GDAP2: variants seen among roughly 807,000 people sequenced by gnomAD.
GDAP2 encodes ganglioside-induced differentiation-associated protein 2.
GDAP2 carries 51 observed loss-of-function variants against 67.0 expected under a neutral mutation model. That is an observed-to-expected ratio of 0.76 (90% CI 0.61 to 0.96). The LOEUF is 0.96. Ranked by LOEUF, GDAP2 falls within the 40% of genes least tolerant of loss-of-function variation. The pLI is 0.00. For missense variants in GDAP2, 547 were observed against 588.3 expected, an observed-to-expected ratio of 0.93 and a Z score of 0.73; for synonymous variants, 203 against 207.3, an observed-to-expected ratio of 0.98 and a Z score of 0.18.
In GDAP2 at chr1:117,869,623, G is replaced by C. The variant is rs1413319482; in HGVS notation, c.*946C>G. The C allele has an allele frequency of 6.6e-6, 1 of 152,628 alleles. No homozygotes were observed. The highest frequency in any genetic ancestry group is 2.4e-5 in the African/African-American group (1 of 41,438). 9.5% of individuals were successfully genotyped at this position (152,628 alleles called of 1,614,324 possible). A position where few individuals can be genotyped will look rare whatever the true frequency, so the allele number is the denominator to read the frequency against. Reference sequence around the variant, plus strand: ...GCCTGAGTGGTAAAAGTGGTCTTTTGCCAATTATCAGCTCCCTGGATTTGT... The same window carrying C: ...GCCTGAGTGGTAAAAGTGGTCTTTTCCCAATTATCAGCTCCCTGGATTTGT... On this transcript the variant is annotated 3_prime_UTR_variant, in exon 14 of 14. Coordinates refer to ENST00000369443, the MANE Select transcript of GDAP2 (RefSeq NM_017686.4).
chr1:117,901,458 G>C (rs1272740418), intron 6 of GDAP2, among the ~76,000 whole-genome samples: 3 of 152,168 alleles, frequency 2.0e-5, no homozygotes, highest in African/African-American at 7.2e-5. Flanking sequence ...TTCCAAAGTA[G>C]TTGTGCCATT....
At chr1:117,896,558 T>C (rs558583933) in intron 8 of GDAP2, 1 of 276,450 alleles carries the variant, frequency 3.6e-6, no homozygotes, top group Non-Finnish European at 6.7e-6. Context: ...AAACCTCGCA[T>C]GGAGGCATTA....
intron 6 of GDAP2, among the ~76,000 whole-genome samples, chr1:117,904,048 G>A (rs1048491609): frequency 8.6e-5 from 13 of 150,756 alleles, no homozygotes; most frequent in African/African-American, 7.3e-5. Flanking sequence ...AGTCAGTGGC[G>A]TAATCTCAGC....
chr1:117,887,751 G>T lies in GDAP2; in HGVS notation c.977C>A (p.Ala326Glu). 6.4e-7 allele frequency: 1 copy of T among 1,573,120 alleles called. No individual in the cohort carries two copies. Among genetic ancestry groups the T allele is most frequent in the Non-Finnish European group, 8.7e-7 (1 of 1,143,392 alleles). Residue 326 changes from alanine (A) to glutamate (E), a missense_variant, in exon 9 of 14, where the codon GCA becomes GAA. Transcript: ENST00000369443. ...AATATCAGACAGATCCTCAGATCTT[G>T]CTTGACATAACCAGCGATTATAACT... The part of the protein sequence containing the change: ...QRNYNRWLCQ[A>E]RSEDLSDIAS...
chr1:117,886,791 C>T, intron 9 of GDAP2, 138 bp from the exon 10 acceptor site: 1 of 579,014 alleles, frequency 1.7e-6, no homozygotes, highest in Non-Finnish European at 3.0e-6. Context: ...CAAATTTCAT[C>T]TTCCAATTTT....
intron 1 of GDAP2, among the ~76,000 whole-genome samples, chr1:117,922,127 G>A (rs958155834): frequency 6.6e-6 from 1 of 152,072 alleles, no homozygotes; most frequent in African/African-American, 2.4e-5. Context: ...CATGCAAATT[G>A]GTTATATGAG....
intron 3 of GDAP2, among the ~76,000 whole-genome samples, chr1:117,914,281 A>G (rs960406594): frequency 6.6e-6 from 1 of 152,210 alleles, no homozygotes; most frequent in African/African-American, 2.4e-5. Flanking sequence ...TGTCATAAAA[A>G]CAAACTATTC....
intron 2 of GDAP2, among the ~76,000 whole-genome samples, chr1:117,919,560 T>C (rs943171921): frequency 3.3e-5 from 5 of 151,508 alleles, no homozygotes; most frequent in African/African-American, 1.2e-4. Context: ...TAAGGAAAAA[T>C]GGGGAGTGAC....
rs917920879 is a variant in GDAP2, at chr1:117,866,074, T to C, written c.*4495A>G. 2.0e-5 allele frequency: 3 copies of C among 152,218 alleles called. No homozygotes were observed. Among genetic ancestry groups the C allele is most frequent in the Non-Finnish European group, 2.9e-5 (2 of 68,032 alleles). The allele number at this position is 152,218 out of a possible 1,614,324, so 9.4% of individuals were successfully genotyped here. A position where few individuals can be genotyped will look rare whatever the true frequency, so the allele number is the denominator to read the frequency against. On this transcript the variant is annotated 3_prime_UTR_variant, in exon 14 of 14. Transcript: ENST00000369443. The stretch of plus-strand genomic sequence containing the variant: ...TATGATATGACCTAGATTATAGGTA[T>C]GTTATGAACTGAATGCTTATGTTCT...
At chr1:117,888,615 C>A (rs536554878) in intron 8 of GDAP2, among the ~76,000 whole-genome samples, 8 of 152,062 alleles carry the variant, frequency 5.3e-5, no homozygotes, top group African/African-American at 1.7e-4. Flanking sequence ...TTAAAAGTGC[C>A]AATTACTTGA....
chr1:117,876,344 G>T (rs1039950965), intron 13 of GDAP2, among the ~76,000 whole-genome samples: 3 of 152,076 alleles, frequency 2.0e-5, no homozygotes, highest in African/African-American at 7.2e-5. Context: ...CTTCTGCCGT[G>T]AGTGGAAGCA....
chr1:117,912,056 A>T lies in GDAP2; in HGVS notation c.497T>A (p.Phe166Tyr), dbSNP rs755585058. 1.5e-5 allele frequency: 24 copies of T among 1,609,922 alleles called. No homozygotes were observed. In the East Asian group the frequency reaches 4.9e-4, roughly 33 times the overall value. ...ACGTTTTGCAGAATTGATGACACAG[A>T]AGCCAACAGAAGACATTGACTGCTC... ...AKEQSMSSVGFCVINSAKRGY... is the reference protein window; with the variant it reads ...AKEQSMSSVGYCVINSAKRGY... The change falls in exon 5 of 14, where the codon TTC becomes TAC. Residue 166 changes from phenylalanine to tyrosine, a missense_variant. Physicochemically the swap from Phe to Tyr is conservative, Grantham distance 22 (BLOSUM62 3). Transcript: ENST00000369443.
chr1:117,916,834 G>T (rs543040497), intron 3 of GDAP2, among the ~76,000 whole-genome samples: 1 of 152,282 alleles, frequency 6.6e-6, no homozygotes, highest in East Asian at 1.9e-4. Context: ...AGGAGTTCAA[G>T]ACCAGCCTGG....
chr1:117,897,609 A>C (rs1460030130), intron 7 of GDAP2, among the ~76,000 whole-genome samples: 2 of 152,260 alleles, frequency 1.3e-5, no homozygotes, highest in Non-Finnish European at 2.9e-5. Flanking sequence ...CCATACAAAC[A>C]CTGTGAGTTG....
At chr1:117,923,560 T>C (rs1437516695) in intron 1 of GDAP2, among the ~76,000 whole-genome samples, 1 of 152,110 alleles carries the variant, frequency 6.6e-6, no homozygotes, top group Non-Finnish European at 1.5e-5. Context: ...GTTGGTAACA[T>C]GAAATAAATA....
intron 2 of GDAP2, 61 bp downstream of exon 2, chr1:117,920,121 G>T: frequency 1.1e-6 from 1 of 942,838 alleles, no homozygotes; most frequent in Non-Finnish European, 1.7e-6. Context: ...TTAAAAAAGA[G>T]GTTAGAATAA....
At chr1:117,896,753 T>A (rs1557801559) in intron 8 of GDAP2, 80 bp downstream of exon 8, 8 of 861,962 alleles carry the variant, frequency 9.3e-6, no homozygotes, top group Non-Finnish European at 1.4e-5. Flanking sequence ...TATATACACG[T>A]AGCTCATGCA....
chr1:117,881,688 A>T, intron 12 of GDAP2, 135 bp downstream of exon 12: 2 of 657,086 alleles, frequency 3.0e-6, no homozygotes, highest in South Asian at 3.7e-5. Flanking sequence ...ACCACAACTC[A>T]AGATCACTTA....
chr1:117,895,037 AACGT>A (rs1649219503), intron 8 of GDAP2, among the ~76,000 whole-genome samples: 1 of 152,202 alleles, frequency 6.6e-6, no homozygotes, highest in Admixed American at 6.5e-5. Flanking sequence ...CCAAAAAGCT[AACGT>A]ATCATGTTAT....
Sources: allele counts gnomAD v4.1 joint callset (sites outside exome capture counted in the v4.1 genomes callset), GRCh38; gene constraint gnomAD v4.1.1; transcripts MANE v1.5; gene names NCBI Gene and HGNC (gene_info 2026-07-23, HGNC 2026-07-21).